Variants in ANO1 observed in about 807,000 individuals in gnomAD.
ANO1 encodes the protein anoctamin 1, also known as anoctamin-1.
Under a neutral mutation model 124.0 loss-of-function variants are expected in ANO1, and 59 were observed. The observed-to-expected ratio is 0.48, with a 90% CI of 0.39 to 0.59. ANO1 has a LOEUF of 0.59. Among genes scored for constraint, ANO1 ranks in the 20% least tolerant of loss-of-function variants. ANO1 has a pLI of 0.00. For missense variants in ANO1, 1,059 were observed against 1,328.0 expected, an observed-to-expected ratio of 0.80 and a Z score of 3.15; for synonymous variants, 529 against 532.0, an observed-to-expected ratio of 0.99 and a Z score of 0.08.
At chr11:70,176,172 T>C (rs1056496668) in intron 22 of ANO1, among the ~76,000 whole-genome samples, 1 of 150,112 alleles carries the variant, frequency 6.7e-6, no homozygotes, top group Non-Finnish European at 1.5e-5. Flanking sequence ...TTTTTTTTTT[T>C]TGGAGACAAG....
intron 1 of ANO1, among the ~76,000 whole-genome samples, chr11:70,019,288 C>A (rs2007465): frequency 0.57 from 83,229 of 145,442 alleles, 24,399 homozygotes; most frequent in East Asian, 0.79. Context: ...TATGGACTCA[C>A]AACCCACGCT....
intron 1 of ANO1, among the ~76,000 whole-genome samples, chr11:70,001,070 C>A (rs574655709): frequency 6.6e-6 from 1 of 152,198 alleles, no homozygotes; most frequent in Non-Finnish European, 1.5e-5. Flanking sequence ...CCAATCCCTG[C>A]ACAAGGGTAA....
chr11:70,133,058 C>T (rs2509176), intron 11 of ANO1, among the ~76,000 whole-genome samples: 12 of 151,980 alleles, frequency 7.9e-5, no homozygotes, highest in Non-Finnish European at 1.2e-4. Context: ...GGGGCCTCTC[C>T]GTCCCACCTC....
rs1179555787 is a variant in ANO1 at position 70,124,405 on chromosome 11, A to G, written c.953A>G (p.Asp318Gly). Residue 318 changes from aspartate (D) to glycine (G), a missense_variant, in exon 9 of 26, where the codon GAC (aspartate) becomes GGC (glycine). By Grantham distance (94) the Asp-to-Gly change is moderately conservative. This residue lies in a region of ANO1 where 809 missense variants were observed against 1,094.9 expected (regional missense o/e 0.74). Coordinates refer to ENST00000355303, the MANE Select transcript of ANO1 (RefSeq NM_018043.7). ...GTTTTCTATAAGTACCAGCCCATCG[A>G]CCTGGTCAGGTAAGAACGCGCCACA... ...YGVFYKYQPI[D>G]LVRKYFGEKI... 1.2e-6 allele frequency: 2 copies of G among 1,613,626 alleles called. No homozygotes were observed. Among genetic ancestry groups the G allele is most frequent in the Non-Finnish European group, 1.7e-6 (2 of 1,179,868 alleles).
intron 1 of ANO1, chr11:70,015,068 A>G (rs1856677382): frequency 6.6e-6 from 1 of 152,020 alleles, no homozygotes; most frequent in Admixed American, 6.6e-5. Context: ...GCAATTCTCA[A>G]TAATTGTGCC....
chr11:70,092,772 A>T (rs2044683292), intron 2 of ANO1, among the ~76,000 whole-genome samples: 1 of 152,002 alleles, frequency 6.6e-6, no homozygotes, highest in South Asian at 2.1e-4. Flanking sequence ...CCAGACCAAG[A>T]CCCCAGGGCC....
the ANO1 span, among the ~76,000 whole-genome samples, chr11:69,973,946 CAA>C: frequency 1.3e-4 from 20 of 151,830 alleles, no homozygotes; most frequent in African/African-American, 4.8e-4. Context: ...TTTAATTCCT[CAA>C]AAAATAAGAC....
intron 2 of ANO1, among the ~76,000 whole-genome samples, chr11:70,101,607 A>AAAAAC (rs1590733625): frequency 6.7e-6 from 1 of 149,668 alleles, no homozygotes; most frequent in Non-Finnish European, 1.5e-5. Flanking sequence ...AAAAAAAAAA[A>AAAAAC]CTCATCCCCA....
At chr11:70,155,773 C>G in intron 14 of ANO1, 138 bp from the exon 15 acceptor site, 1 of 701,766 alleles carries the variant, frequency 1.4e-6, no homozygotes, top group South Asian at 2.1e-5. Context: ...CCCGAGTCAG[C>G]CTTGGCAGTG....
In ANO1 at chr11:70,177,275, G is replaced by T. The variant is rs568003202; in HGVS notation, c.2351-2729G>T. ...CCACTTCGGAGGTCTCAAACTCAGC[G>T]CCCCAAGGGCCAGGTGGGCCACACG... On this transcript the variant is annotated intron_variant, in intron 22 of 25. Transcript: ENST00000355303. Among the ~76,000 whole-genome samples, 10 of 152,366 alleles carry T rather than the reference G, an allele frequency of 6.6e-5. No individual in the cohort carries two copies. The South Asian group carries it at 2.1e-3, about 32-fold the overall frequency.
rs547120197 is a variant in ANO1, at chr11:70,047,508, T to C, written c.59-31034T>C. On this transcript the variant is annotated intron_variant, in intron 1 of 27. Coordinates refer to the ANO1 transcript ENST00000531349. Reference sequence around the variant, plus strand: ...TAGAAAAATTGGCTAAAGAACTCTTTCCCTTCAATGGGGATAGAGAACAAA... The same window carrying C: ...TAGAAAAATTGGCTAAAGAACTCTTCCCCTTCAATGGGGATAGAGAACAAA... Among the ~76,000 whole-genome samples the C allele has an allele frequency of 2.0e-5, 3 of 152,306 alleles. No homozygotes were observed. In the East Asian group the frequency reaches 5.8e-4, roughly 29 times the overall value.
At chr11:70,101,657 A>G (rs982676365) in intron 2 of ANO1, among the ~76,000 whole-genome samples, 4 of 151,400 alleles carry the variant, frequency 2.6e-5, no homozygotes, top group African/African-American at 7.3e-5. Flanking sequence ...ACAAGCTACA[A>G]TGAACCTATG....
At chr11:70,070,148 T>C (rs10897850) in intron 1 of ANO1, among the ~76,000 whole-genome samples, 21,061 of 152,200 alleles carry the variant, frequency 0.14, 1,641 homozygotes, top group African/African-American at 0.19. Flanking sequence ...CTCAACTTTG[T>C]TGGATAGCTG....
intron 1 of ANO1, among the ~76,000 whole-genome samples, chr11:70,006,945 C>T (rs1439001341): frequency 2.0e-5 from 3 of 152,032 alleles, no homozygotes; most frequent in Non-Finnish European, 2.9e-5. Context: ...GCTGGGATGA[C>T]GGGGGTGAGC....
At chr11:69,994,533 A>T (rs1284679784) in intron 1 of ANO1, among the ~76,000 whole-genome samples, 1 of 152,216 alleles carries the variant, frequency 6.6e-6, no homozygotes, top group African/African-American at 2.4e-5. Context: ...GATAATCTCT[A>T]TAGACATCAT....
chr11:70,014,173 G>A (rs1856655878), intron 1 of ANO1, among the ~76,000 whole-genome samples: 1 of 150,544 alleles, frequency 6.6e-6, no homozygotes, highest in Non-Finnish European at 1.5e-5. Context: ...AACTGGGGGG[G>A]AAGCACAATT....
chr11:70,086,583 C>T (rs1006578919), intron 1 of ANO1, among the ~76,000 whole-genome samples: 1 of 152,290 alleles, frequency 6.6e-6, no homozygotes, highest in East Asian at 1.9e-4. Flanking sequence ...CAGGTGCTGC[C>T]GCAGGCCACG....
intron 22 of ANO1, among the ~76,000 whole-genome samples, chr11:70,171,925 G>T (rs2048487230): frequency 6.6e-6 from 1 of 152,104 alleles, no homozygotes; most frequent in Admixed American, 6.5e-5. Context: ...CCATGCCCAT[G>T]CCTGGGCAAC....
At chr11:70,001,275 G>T (rs781983127) in intron 1 of ANO1, among the ~76,000 whole-genome samples, 3 of 152,192 alleles carry the variant, frequency 2.0e-5, no homozygotes, top group Admixed American at 6.5e-5. Flanking sequence ...AAACAAAGAG[G>T]CAGAGGCCTC....
Sources: allele counts gnomAD v4.1 joint callset (sites outside exome capture counted in the v4.1 genomes callset), GRCh38; gene constraint gnomAD v4.1.1; regional missense constraint gnomAD v4.1.1; transcripts MANE v1.5; gene names NCBI Gene and HGNC (gene_info 2026-07-23, HGNC 2026-07-21).